Variants in LRRTM4 observed in about 807,000 individuals in gnomAD.
LRRTM4 encodes leucine-rich repeat transmembrane neuronal protein 4.
In LRRTM4, 25 loss-of-function variants were observed where a neutral mutation model predicts 47.6. That is an observed-to-expected ratio of 0.53 (90% CI 0.38 to 0.73). The LOEUF (loss-of-function observed/expected upper bound fraction) is 0.73, where lower values mean the gene tolerates loss of function less well. Among genes scored for constraint, LRRTM4 ranks in the 30% least tolerant of loss-of-function variants. LRRTM4 has a pLI of 0.00. For synonymous variants in LRRTM4, 311 were observed against 269.5 expected (o/e 1.15, Z -1.51); for missense variants, 638 against 713.4 (o/e 0.89, Z 1.20).
chr2:77,100,563 A>C (rs2103909521), intron 3 of LRRTM4, among the ~76,000 whole-genome samples: 1 of 152,278 alleles, frequency 6.6e-6, no homozygotes, highest in African/African-American at 2.4e-5. Flanking sequence ...GGATTCTTTA[A>C]AAAATAAAAG....
rs1390599847 is a variant in LRRTM4, at chr2:76,868,594, T to G, written c.1552-119678A>C. On this transcript the variant is annotated intron_variant, in intron 3 of 3. Coordinates refer to ENST00000409884, the MANE Select transcript of LRRTM4 (RefSeq NM_001134745.3). The stretch of plus-strand genomic sequence containing the variant: ...TTTAGCAGAATAAAAAAGGCTTGTG[T>G]AGCTTTCCCTCAACTTAAGGAAGTT... Among the ~76,000 whole-genome samples the G allele has an allele frequency of 2.6e-5, 4 of 152,334 alleles. 1 individual carries two copies. The highest frequency in any genetic ancestry group is 1.5e-5 in the Non-Finnish European group (1 of 68,022).
At chr2:77,084,871 T>C (rs1680658028) in intron 3 of LRRTM4, among the ~76,000 whole-genome samples, 1 of 152,200 alleles carries the variant, frequency 6.6e-6, no homozygotes, top group Non-Finnish European at 1.5e-5. Flanking sequence ...ACAATGAATG[T>C]AGGCCAGAGT....
chr2:77,276,706 T>TATATATGA (rs1309794213), intron 3 of LRRTM4, among the ~76,000 whole-genome samples: 3 of 120,708 alleles, frequency 2.5e-5, no homozygotes, highest in African/African-American at 1.1e-4. Flanking sequence ...TATATATATA[T>TATATATGA]ATATATATAT....
intron 3 of LRRTM4, among the ~76,000 whole-genome samples, chr2:76,965,494 A>G (rs1206229527): frequency 6.6e-6 from 1 of 151,354 alleles, no homozygotes; most frequent in African/African-American, 2.4e-5. Context: ...AAACATCTTT[A>G]ATTTCTAAAC....
At chr2:76,970,794 G>A (rs922874140) in intron 3 of LRRTM4, among the ~76,000 whole-genome samples, 1 of 151,988 alleles carries the variant, frequency 6.6e-6, no homozygotes, top group Non-Finnish European at 1.5e-5. Context: ...TGACCAGTAC[G>A]TTTTGTTTAG....
At chr2:76,824,426 C>A (rs1360346682) in intron 3 of LRRTM4, among the ~76,000 whole-genome samples, 4 of 151,396 alleles carry the variant, frequency 2.6e-5, no homozygotes, top group African/African-American at 7.3e-5. Flanking sequence ...CATGTTCAAC[C>A]AATGAATTAT....
At chr2:77,484,446 C>T (rs1217739078) in intron 3 of LRRTM4, among the ~76,000 whole-genome samples, 1 of 152,106 alleles carries the variant, frequency 6.6e-6, no homozygotes, top group African/African-American at 2.4e-5. Context: ...AATAATTATA[C>T]CTTTGAGCAA....
intron 3 of LRRTM4, among the ~76,000 whole-genome samples, chr2:77,428,808 G>T (rs545893973): frequency 6.6e-6 from 1 of 152,136 alleles, no homozygotes; most frequent in Non-Finnish European, 1.5e-5. Flanking sequence ...AGCAAATAAA[G>T]TTTAATTGCC....
chr2:76,792,579 ACAAT>A (rs1675034650), intron 3 of LRRTM4, among the ~76,000 whole-genome samples: 1 of 152,094 alleles, frequency 6.6e-6, no homozygotes, highest in Non-Finnish European at 1.5e-5. Context: ...TCTTCTAGTA[ACAAT>A]CAGAGAATAA....
At chr2:77,139,594 T>G (rs1374326674) in intron 3 of LRRTM4, among the ~76,000 whole-genome samples, 5 of 152,216 alleles carry the variant, frequency 3.3e-5, no homozygotes, top group East Asian at 3.9e-4. Context: ...CTCTCACTAC[T>G]CCTATTCAAC....
chr2:77,032,565 T>A (rs1558539509), intron 3 of LRRTM4, among the ~76,000 whole-genome samples: 1 of 152,126 alleles, frequency 6.6e-6, no homozygotes, highest in East Asian at 1.9e-4. Flanking sequence ...ATTGAATAGA[T>A]GAAAAAAAGC....
intron 3 of LRRTM4, among the ~76,000 whole-genome samples, chr2:77,222,503 A>G (rs1016716534): frequency 1.3e-5 from 2 of 152,226 alleles, no homozygotes; most frequent in African/African-American, 4.8e-5. Context: ...AATTAGATGC[A>G]ATAAAATATG....
At chr2:77,334,578 C>G (rs1274502395) in intron 3 of LRRTM4, among the ~76,000 whole-genome samples, 2 of 152,190 alleles carry the variant, frequency 1.3e-5, no homozygotes, top group Admixed American at 6.5e-5. Context: ...TGCCTTTCAC[C>G]TTCCACCATT....
intron 3 of LRRTM4, among the ~76,000 whole-genome samples, chr2:77,312,634 G>GCA (rs374621062): frequency 6.6e-6 from 1 of 151,550 alleles, no homozygotes; most frequent in African/African-American, 2.4e-5. Flanking sequence ...CCACACGCGT[G>GCA]CACACACACA....
intron 3 of LRRTM4, among the ~76,000 whole-genome samples, chr2:77,200,185 T>C (rs922387539): frequency 1.3e-5 from 2 of 152,098 alleles, no homozygotes; most frequent in Non-Finnish European, 2.9e-5. Context: ...GTCCCTGAAA[T>C]ATTCTTTAGC....
intron 3 of LRRTM4, among the ~76,000 whole-genome samples, chr2:77,332,610 T>A (rs1671011427): frequency 6.6e-6 from 1 of 152,194 alleles, no homozygotes; most frequent in African/African-American, 2.4e-5. Context: ...TAGAGATCAA[T>A]CAGAGAATAA....
intron 3 of LRRTM4, among the ~76,000 whole-genome samples, chr2:76,973,773 TAG>T (rs1275701482): frequency 3.9e-5 from 6 of 151,946 alleles, no homozygotes; most frequent in Admixed American, 3.9e-4. Context: ...CTGGATAGAA[TAG>T]AATAACCAAA....
Position 77,477,951 on chromosome 2 carries a change from GAAAGAAAGAAAGAA to G in LRRTM4, c.1551+40353_1551+40366del, listed in dbSNP as rs1207111589. 5.2e-3 allele frequency among the ~76,000 whole-genome samples: 594 copies of G among 113,892 alleles called. 4 individuals are homozygous for G. The highest frequency in any genetic ancestry group is 0.018 in the African/African-American group (568 of 31,276). 74.7% of individuals were successfully genotyped at this position (113,892 alleles called of 152,430 possible). On this transcript the variant is annotated intron_variant, in intron 3 of 3. Coordinates refer to ENST00000409884, the MANE Select transcript of LRRTM4 (RefSeq NM_001134745.3). ...AGAAAGAAAGAAAGAAAGAAAGAAA[GAAAGAAAGAAAGAA>G]AGAAAAAGAAAAAAAGCCACATGAG...
intron 3 of LRRTM4, among the ~76,000 whole-genome samples, chr2:76,803,688 A>G (rs930338060): frequency 2.0e-5 from 3 of 152,194 alleles, no homozygotes; most frequent in Non-Finnish European, 4.4e-5. Context: ...TGGCATGTCT[A>G]CAAATGCTAT....
Sources: allele counts gnomAD v4.1 joint callset (sites outside exome capture counted in the v4.1 genomes callset), GRCh38; gene constraint gnomAD v4.1.1; transcripts MANE v1.5; gene names NCBI Gene and HGNC (gene_info 2026-07-23, HGNC 2026-07-21).